The following DLG5 variants were observed in gnomAD, a reference collection of about 807,000 sequenced individuals.
The protein encoded by DLG5 is discs large MAGUK scaffold protein 5, also known as disks large homolog 5.
In DLG5, 48 loss-of-function variants were observed where a neutral mutation model predicts 189.8. The observed-to-expected ratio is 0.25, with a 90% CI of 0.20 to 0.32. The LOEUF (loss-of-function observed/expected upper bound fraction) is 0.32, where lower values mean the gene tolerates loss of function less well. Ranked by LOEUF, DLG5 falls within the 10% of genes least tolerant of loss-of-function variation. The probability of loss-of-function intolerance (pLI) is 1.00; values close to 1 mark genes in which losing one functional copy is unlikely to be tolerated. For synonymous variants in DLG5, 1,016 were observed against 1,054.1 expected (o/e 0.96, Z 0.70); for missense variants, 2,160 against 2,544.7 (o/e 0.85, Z 3.25).
chr10:77,792,394 G>A lies in DLG5; in HGVS notation c.*46C>T, dbSNP rs56318751. ...TCGCTAGAAAAGAGCTGAGTCTGGT[G>A]TCCCCTCAGGCGGCCAGCTGCAGTC... On this transcript the variant is annotated 3_prime_UTR_variant, in exon 32 of 32. Transcript: ENST00000372391. 3.2e-5 allele frequency: 49 copies of A among 1,552,596 alleles called. No homozygotes were observed. The East Asian group carries it at 4.9e-4, about 16-fold the overall frequency.
chr10:77,795,467 C>A (rs766200331), intron 29 of DLG5, among the ~76,000 whole-genome samples: 1 of 152,112 alleles, frequency 6.6e-6, no homozygotes, highest in Non-Finnish European at 1.5e-5. Flanking sequence ...CAGTGAGAAG[C>A]CAACACCTTC....
chr10:77,884,094 TAGAA>T (rs1845366433), intron 1 of DLG5, among the ~76,000 whole-genome samples: 3 of 152,058 alleles, frequency 2.0e-5, no homozygotes, highest in Non-Finnish European at 2.9e-5. Flanking sequence ...GGAAAAGACA[TAGAA>T]AGATCACTTG....
At position 77,796,694 on chromosome 10, in the gene DLG5, G is replaced by A. The variant is rs1840941519; in HGVS notation, c.5165-100C>T. 6.9e-7 allele frequency: 1 copy of A among 1,456,130 alleles called. No individual in the cohort carries two copies. The highest frequency in any genetic ancestry group is 1.4e-5 in the African/African-American group (1 of 71,132). The allele number at this position is 1,456,130 out of a possible 1,614,324, so 90.2% of individuals were successfully genotyped here. A position where few individuals can be genotyped will look rare whatever the true frequency, so the allele number is the denominator to read the frequency against. On this transcript the variant is annotated intron_variant, in intron 27 of 31. Coordinates refer to ENST00000372391, the MANE Select transcript of DLG5 (RefSeq NM_004747.4). The surrounding 1 kb of genome is among the most constrained non-coding windows in gnomAD (Gnocchi z 5.2). ...TCCCTGACCTCGCCCACTCTGGTTTGCCTGGGACTCCCCCAGCTTCAGCAC... is the reference window on the plus strand; with the variant it reads ...TCCCTGACCTCGCCCACTCTGGTTTACCTGGGACTCCCCCAGCTTCAGCAC...
chr10:77,837,843 G>A (rs148904030), intron 7 of DLG5, among the ~76,000 whole-genome samples: 6 of 152,312 alleles, frequency 3.9e-5, no homozygotes, highest in East Asian at 3.9e-4. Flanking sequence ...GAACAAAGGC[G>A]TGGGAAGAGA....
rs540247706 is a variant in DLG5, at chr10:77,811,958, G to C, written c.4288C>G (p.His1430Asp). Residue 1430 changes from histidine to aspartate, a missense_variant, in exon 22 of 32, where the codon CAC (histidine) becomes GAC (aspartate). Transcript: ENST00000372391. ...TITILAQYNPHVHQLSSHSRS... is the reference protein window; with the variant it reads ...TITILAQYNPDVHQLSSHSRS... The stretch of plus-strand genomic sequence containing the variant: ...GAGTGGCTGCTGAGCTGGTGCACGT[G>C]GGGGTTGTACTGGGCCAGGATGGTG... 6.2e-7 allele frequency: 1 copy of C among 1,609,250 alleles called. No homozygotes were observed. Among genetic ancestry groups the C allele is most frequent in the African/African-American group, 1.3e-5 (1 of 75,064 alleles).
At chr10:77,895,853 C>A (rs1463429903) in intron 1 of DLG5, among the ~76,000 whole-genome samples, 1 of 152,072 alleles carries the variant, frequency 6.6e-6, no homozygotes, top group Non-Finnish European at 1.5e-5. Flanking sequence ...CTACCCAGGG[C>A]TCAAATGTAC....
At chr10:77,891,161 A>G (rs1281821689) in intron 1 of DLG5, among the ~76,000 whole-genome samples, 3 of 151,948 alleles carry the variant, frequency 2.0e-5, no homozygotes, top group African/African-American at 7.3e-5. Context: ...ATGCCTCCCT[A>G]TGGTTCTAGC....
chr10:77,922,838 T>G (rs1292819174), intron 1 of DLG5, among the ~76,000 whole-genome samples: 1 of 152,218 alleles, frequency 6.6e-6, no homozygotes, highest in Non-Finnish European at 1.5e-5. Flanking sequence ...GTGTGTCTCC[T>G]AGTCACTCCA....
intron 5 of DLG5, among the ~76,000 whole-genome samples, chr10:77,850,989 A>T (rs1352738137): frequency 6.6e-6 from 1 of 152,272 alleles, no homozygotes; most frequent in African/African-American, 2.4e-5. Context: ...TAGACCAAGA[A>T]GAACAAACTG....
the DLG5 span, among the ~76,000 whole-genome samples, chr10:77,933,277 T>C: frequency 6.6e-6 from 1 of 151,896 alleles, no homozygotes; most frequent in African/African-American, 2.4e-5. Flanking sequence ...GGGTTTTTGT[T>C]TTTGTTTTTT....
intron 27 of DLG5, among the ~76,000 whole-genome samples, chr10:77,801,235 G>A (rs1841188542): frequency 6.6e-6 from 1 of 152,204 alleles, no homozygotes. Flanking sequence ...CAGATGACAA[G>A]AGGGAAAGTC....
Position 77,821,328 on chromosome 10 carries a change from G to T in DLG5, c.3156C>A (p.Pro1052=). The change falls in exon 15 of 32, where the codon CCC becomes CCA. Residue 1052 remains proline, a synonymous_variant. Transcript: ENST00000372391. ...SPSTSPPSAL[P]PDVDPGEPMH... ...TGGGCTCCCCGGGGTCCACGTCAGG[G>T]GGCAGGGCGCTCGGGGGACTAGTGG... 1 of 1,613,280 alleles carries T rather than the reference G, an allele frequency of 6.2e-7. No homozygotes were observed. Among genetic ancestry groups the T allele is most frequent in the South Asian group, 1.1e-5 (1 of 91,088 alleles).
chr10:77,899,201 T>C (rs533480706), intron 1 of DLG5, among the ~76,000 whole-genome samples: 3 of 152,262 alleles, frequency 2.0e-5, no homozygotes, highest in South Asian at 2.1e-4. Context: ...CAGGCAGCCA[T>C]CCAGGCCCTC....
chr10:77,922,735 T>C (rs144019801), intron 1 of DLG5, among the ~76,000 whole-genome samples: 1 of 152,218 alleles, frequency 6.6e-6, no homozygotes, highest in East Asian at 1.9e-4. Context: ...ACAGAGTTAA[T>C]GAGATATGAA....
At chr10:77,822,686 T>A (rs962813943) in intron 14 of DLG5, among the ~76,000 whole-genome samples, 15 of 152,188 alleles carry the variant, frequency 9.9e-5, no homozygotes, top group South Asian at 2.1e-4. Context: ...ATATTTTTTT[T>A]AAATATTAAA....
intron 2 of DLG5, among the ~76,000 whole-genome samples, chr10:77,857,293 C>T (rs1351818715): frequency 6.6e-6 from 1 of 152,226 alleles, no homozygotes; most frequent in Non-Finnish European, 1.5e-5. Flanking sequence ...CAACCTGTGC[C>T]CTGAGGAGAG....
intron 1 of DLG5, among the ~76,000 whole-genome samples, chr10:77,902,754 G>A (rs924017181): frequency 6.6e-6 from 1 of 152,248 alleles, no homozygotes; most frequent in African/African-American, 2.4e-5. Context: ...CAGCTACTCG[G>A]GAGGCTGAGG....
intron 29 of DLG5, 88 bp downstream of exon 29, chr10:77,795,973 G>C: frequency 6.3e-7 from 1 of 1,589,844 alleles, no homozygotes; most frequent in Non-Finnish European, 8.6e-7. Context: ...TGAGCCGCTG[G>C]GGCAGAGGAT....
chr10:77,895,597 T>C (rs1845734403), intron 1 of DLG5, among the ~76,000 whole-genome samples: 1 of 152,186 alleles, frequency 6.6e-6, no homozygotes, highest in Non-Finnish European at 1.5e-5. Flanking sequence ...TCAGGGACAC[T>C]GGAGAAGTCC....
Sources: allele counts gnomAD v4.1 joint callset (sites outside exome capture counted in the v4.1 genomes callset), GRCh38; gene constraint gnomAD v4.1.1; non-coding constraint Gnocchi (gnomAD v3.1); transcripts MANE v1.5; gene names NCBI Gene and HGNC (gene_info 2026-07-23, HGNC 2026-07-21).